Variants in CSMD1 observed in about 807,000 individuals in gnomAD.
CSMD1 encodes CUB and Sushi multiple domains 1.
CSMD1 carries 213 observed loss-of-function variants against 417.5 expected under a neutral mutation model. The ratio of observed to expected loss-of-function variants is 0.51; its 90% CI spans 0.46 to 0.57. The LOEUF (loss-of-function observed/expected upper bound fraction) is 0.57. CSMD1 is among the 20% of genes least tolerant of loss of function. The pLI, the probability that CSMD1 is intolerant of heterozygous loss-of-function variation, is 0.00. For synonymous variants in CSMD1, 2,862 were observed against 1,736.8 expected (o/e 1.65, Z -16.11); for missense variants, 6,923 against 4,529.7 (o/e 1.53, Z -15.17).
intron 3 of CSMD1, among the ~76,000 whole-genome samples, chr8:4,350,539 G>T (rs750120429): frequency 5.3e-5 from 8 of 152,148 alleles, no homozygotes; most frequent in Non-Finnish European, 8.8e-5. Flanking sequence ...GGTAGGAATG[G>T]AGGCTAATGT....
chr8:4,796,879 T>C (rs1379024588), intron 1 of CSMD1, among the ~76,000 whole-genome samples: 2 of 152,192 alleles, frequency 1.3e-5, no homozygotes, highest in Non-Finnish European at 2.9e-5. Flanking sequence ...GCCGCACATA[T>C]GCACACAACT....
chr8:3,739,335 T>C (rs1796680635), intron 6 of CSMD1, among the ~76,000 whole-genome samples: 1 of 152,258 alleles, frequency 6.6e-6, no homozygotes, highest in Non-Finnish European at 1.5e-5. Context: ...TCTAGTGTTC[T>C]ATGGCACCAC....
At chr8:4,226,401 G>A (rs1801359679) in intron 3 of CSMD1, among the ~76,000 whole-genome samples, 1 of 152,084 alleles carries the variant, frequency 6.6e-6, no homozygotes, top group Non-Finnish European at 1.5e-5. Flanking sequence ...CTGAAAAGAT[G>A]CAGAAATAAA....
chr8:4,229,624 T>C (rs1801584077), intron 3 of CSMD1, among the ~76,000 whole-genome samples: 1 of 152,158 alleles, frequency 6.6e-6, no homozygotes, highest in African/African-American at 2.4e-5. Context: ...GCCCTCATAG[T>C]TCACTCCTCT....
intron 10 of CSMD1, among the ~76,000 whole-genome samples, chr8:3,563,830 A>T (rs993775243): frequency 6.6e-6 from 1 of 152,184 alleles, no homozygotes; most frequent in African/African-American, 2.4e-5. Context: ...CGGAGGTTGC[A>T]GTGAGCCAAG....
At chr8:3,600,110 C>A (rs971582408) in intron 8 of CSMD1, among the ~76,000 whole-genome samples, 4 of 152,080 alleles carry the variant, frequency 2.6e-5, no homozygotes, top group Admixed American at 2.6e-4. Context: ...GTAAAGAGAG[C>A]GAGGAATTAA....
At chr8:4,568,843 G>C (rs1009587693) in intron 2 of CSMD1, among the ~76,000 whole-genome samples, 9 of 152,082 alleles carry the variant, frequency 5.9e-5, no homozygotes, top group African/African-American at 2.2e-4. Flanking sequence ...TCTCATAGTG[G>C]TTTTGATTTG....
chr8:4,641,887 C>T (rs1451737644), intron 1 of CSMD1, among the ~76,000 whole-genome samples: 1 of 152,216 alleles, frequency 6.6e-6, no homozygotes, highest in Admixed American at 6.5e-5. Flanking sequence ...CAATTGGAAA[C>T]ATAAACATCA....
At chr8:4,663,115 T>C (rs1804704733) in intron 1 of CSMD1, among the ~76,000 whole-genome samples, 2 of 152,134 alleles carry the variant, frequency 1.3e-5, no homozygotes, top group South Asian at 4.1e-4. Context: ...TCACGTGGGC[T>C]TAGGACGCCA....
intron 5 of CSMD1, among the ~76,000 whole-genome samples, chr8:3,990,023 G>A (rs1814625859): frequency 6.6e-6 from 1 of 152,180 alleles, no homozygotes; most frequent in African/African-American, 2.4e-5. Context: ...GCTGATTTGA[G>A]GAATAAATGA....
intron 51 of CSMD1, among the ~76,000 whole-genome samples, chr8:3,019,656 C>T (rs1269588074): frequency 6.6e-6 from 1 of 152,164 alleles, no homozygotes; most frequent in African/African-American, 2.4e-5. Flanking sequence ...TGACCCTATG[C>T]CCCATGTTTA....
chr8:3,790,224 C>CT (rs2129067242), intron 5 of CSMD1, among the ~76,000 whole-genome samples: 1 of 152,276 alleles, frequency 6.6e-6, no homozygotes, highest in South Asian at 2.1e-4. Flanking sequence ...CTACACAAAA[C>CT]TCCTTTATCA....
chr8:3,322,013 A>AT (rs1194398628), intron 23 of CSMD1, among the ~76,000 whole-genome samples: 2 of 152,216 alleles, frequency 1.3e-5, no homozygotes, highest in South Asian at 4.1e-4. Context: ...CTTTCATTAC[A>AT]TATCAGTGTG....
At chr8:4,109,504 A>G (rs1801741551) in intron 3 of CSMD1, among the ~76,000 whole-genome samples, 1 of 152,200 alleles carries the variant, frequency 6.6e-6, no homozygotes, top group South Asian at 2.1e-4. Context: ...CTGTGCATGA[A>G]TAAGTAGACT....
At chr8:4,316,339 G>C (rs1169643852) in intron 3 of CSMD1, among the ~76,000 whole-genome samples, 3 of 152,018 alleles carry the variant, frequency 2.0e-5, no homozygotes, top group African/African-American at 7.2e-5. Context: ...TATTCCAAGC[G>C]GTTTCTTAGG....
At chr8:3,229,943 A>G in intron 27 of CSMD1, 97 bp downstream of exon 27, 1 of 884,038 alleles carries the variant, frequency 1.1e-6, no homozygotes, top group Non-Finnish European at 1.7e-6. Context: ...AACTCTTGAG[A>G]AATATTTCTG....
chr8:3,280,211 A>C (rs1322329058), intron 26 of CSMD1, among the ~76,000 whole-genome samples: 1 of 152,190 alleles, frequency 6.6e-6, no homozygotes, highest in Non-Finnish European at 1.5e-5. Flanking sequence ...TTAAAGGAAG[A>C]GAAAGTAGTA....
At chr8:3,772,568 TACATATATAC>T (rs1798667760) in intron 5 of CSMD1, among the ~76,000 whole-genome samples, 1 of 115,472 alleles carries the variant, frequency 8.7e-6, no homozygotes, top group Admixed American at 1.0e-4. Context: ...TACATATATA[TACATATATAC>T]ACATATATTT....
chr8:3,290,565 G>C lies in CSMD1; in HGVS notation c.3951-6219C>G, dbSNP rs937323699. ...CATCCCTTGTAAGTTGGATTGCTAG[G>C]TATTTTGTTCTCTTTGAAGCAATTG... On this transcript the variant is annotated intron_variant, in intron 25 of 69. Coordinates refer to ENST00000635120, the MANE Select transcript of CSMD1 (RefSeq NM_033225.6). 3.4e-5 allele frequency among the ~76,000 whole-genome samples: 5 copies of C among 146,090 alleles called. 1 individual carries two copies. Among genetic ancestry groups the C allele is most frequent in the African/African-American group, 8.3e-5 (3 of 36,222 alleles).
Sources: allele counts gnomAD v4.1 joint callset (sites outside exome capture counted in the v4.1 genomes callset), GRCh38; gene constraint gnomAD v4.1.1; transcripts MANE v1.5; gene names NCBI Gene and HGNC (gene_info 2026-07-23, HGNC 2026-07-21).